Variants in SSU72 observed in about 807,000 individuals in gnomAD.
The protein encoded by SSU72 is RNA polymerase II subunit A C-terminal domain phosphatase SSU72.
Under a neutral mutation model 22.7 loss-of-function variants are expected in SSU72, and 12 were observed. The ratio of observed to expected loss-of-function variants is 0.53; its 90% CI spans 0.34 to 0.86. The LOEUF (loss-of-function observed/expected upper bound fraction) is 0.86, where lower values mean the gene tolerates loss of function less well. SSU72 is among the 40% of genes least tolerant of loss of function. SSU72 has a pLI of 0.02. For missense variants in SSU72, 151 were observed against 249.8 expected (o/e 0.60, Z 2.67); for synonymous variants, 116 against 98.3 (o/e 1.18, Z -1.06).
intron 1 of SSU72, among the ~76,000 whole-genome samples, chr1:1,573,429 C>CAAAAAAAAAAAAAA (rs56930035): frequency 2.8e-5 from 3 of 107,452 alleles, no homozygotes; most frequent in Non-Finnish European, 5.1e-5. Context: ...GACTCTGTCT[C>CAAAAAAAAAAAAAA]AAAAAAAAAA....
At chr1:1,545,147 C>T in intron 2 of SSU72, 145 bp from the exon 3 acceptor site, 3 of 928,722 alleles carry the variant, frequency 3.2e-6, no homozygotes, top group Non-Finnish European at 4.9e-6. Flanking sequence ...TGGGCCATGC[C>T]CTGGTGAGGC....
Position 1,542,384 on chromosome 1 carries a change from C to T in SSU72, c.484-217G>A, listed in dbSNP as rs1195437896. Among the ~76,000 whole-genome samples, 2 of 152,160 alleles carry T rather than the reference C, an allele frequency of 1.3e-5. No homozygotes were observed. The highest frequency in any genetic ancestry group is 4.8e-5 in the African/African-American group (2 of 41,434). On this transcript the variant is annotated intron_variant, in intron 4 of 4. Coordinates refer to ENST00000291386, the MANE Select transcript of SSU72 (RefSeq NM_014188.3). This position sits in a 1 kb window ranked among gnomAD's most constrained non-coding sequence, Gnocchi z 4.4. ...ACCTCCCCACCGACCCTCACAGGAC[C>T]TGAAGCTGGGAGGAGCTGGGAGGAG...
At chr1:1,571,114 G>A (rs1436017860) in intron 1 of SSU72, among the ~76,000 whole-genome samples, 1 of 152,120 alleles carries the variant, frequency 6.6e-6, no homozygotes, top group Non-Finnish European at 1.5e-5. Flanking sequence ...GCGTGGTAGC[G>A]GGTGCCTGTA....
At chr1:1,572,879 G>GT (rs1553133016) in intron 1 of SSU72, among the ~76,000 whole-genome samples, 2 of 61,026 alleles carry the variant, frequency 3.3e-5, no homozygotes, top group Non-Finnish European at 5.7e-5. Context: ...TTTTGTCTTG[G>GT]GGGGGGGGGG....
chr1:1,569,190 G>T (rs944847788), intron 1 of SSU72, among the ~76,000 whole-genome samples: 3 of 151,348 alleles, frequency 2.0e-5, no homozygotes, highest in African/African-American at 4.9e-5. Flanking sequence ...TAAAATAAAA[G>T]AAAAAAACAA....
intron 1 of SSU72, among the ~76,000 whole-genome samples, chr1:1,571,571 A>G (rs1642731852): frequency 6.6e-6 from 1 of 152,118 alleles, no homozygotes; most frequent in Non-Finnish European, 1.5e-5. Context: ...TTTATGAGTA[A>G]ATTTGAATGA....
intron 2 of SSU72, among the ~76,000 whole-genome samples, chr1:1,547,684 C>T (rs1278156745): frequency 2.6e-5 from 4 of 152,240 alleles, no homozygotes. Context: ...AGGACAGGAG[C>T]CGCTGGCGGG....
At position 1,574,643 on chromosome 1, in the gene SSU72, T is replaced by C; in HGVS notation, c.-86A>G. The C allele has an allele frequency of 2.3e-6, 3 of 1,324,800 alleles. No individual in the cohort carries two copies. The highest frequency in any genetic ancestry group is 2.2e-5 in the African/African-American group (1 of 46,088). The allele number at this position is 1,324,800 out of a possible 1,614,324, so 82.1% of individuals were successfully genotyped here. A position where few individuals can be genotyped will look rare whatever the true frequency, so the allele number is the denominator to read the frequency against. ...CGCGCGAACAAAATGGCGGCCGCGG[T>C]GGCCGGAAGCGGGCGACGCGAAACG... On this transcript the variant is annotated 5_prime_UTR_variant, in exon 1 of 5. Coordinates refer to ENST00000291386, the MANE Select transcript of SSU72 (RefSeq NM_014188.3).
intron 2 of SSU72, chr1:1,546,128 A>G (rs1181942703): frequency 1.3e-5 from 2 of 152,244 alleles, no homozygotes; most frequent in Non-Finnish European, 2.9e-5. Context: ...GTTCCCAAAG[A>G]TGAGCTCTGT....
chr1:1,572,367 G>C (rs1642741716), intron 1 of SSU72, among the ~76,000 whole-genome samples: 1 of 147,788 alleles, frequency 6.8e-6, no homozygotes, highest in Non-Finnish European at 1.5e-5. Flanking sequence ...GGCGGAGCTT[G>C]CAGTGAGCTG....
At chr1:1,570,845 C>T (rs1214670704) in intron 1 of SSU72, among the ~76,000 whole-genome samples, 1 of 152,166 alleles carries the variant, frequency 6.6e-6, no homozygotes, top group African/African-American at 2.4e-5. Flanking sequence ...GGCGTGGTGG[C>T]TCACGCCTGT....
At chr1:1,553,324 A>C (rs955677512) in intron 2 of SSU72, among the ~76,000 whole-genome samples, 1 of 152,112 alleles carries the variant, frequency 6.6e-6, no homozygotes, top group African/African-American at 2.4e-5. Context: ...CCAGTTATTT[A>C]GTTATTTAAA....
At chr1:1,569,423 G>C (rs746457180) in intron 1 of SSU72, among the ~76,000 whole-genome samples, 1 of 152,088 alleles carries the variant, frequency 6.6e-6, no homozygotes, top group African/African-American at 2.4e-5. Flanking sequence ...CTAACATGTC[G>C]ACACTTACTA....
At chr1:1,572,231 T>C (rs968183392) in intron 1 of SSU72, among the ~76,000 whole-genome samples, 4 of 143,538 alleles carry the variant, frequency 2.8e-5, no homozygotes, top group South Asian at 2.4e-4. Flanking sequence ...ATCGAGACCA[T>C]CCTGGCTAAC....
At chr1:1,568,466 T>C (rs1424961640) in intron 1 of SSU72, among the ~76,000 whole-genome samples, 1 of 151,002 alleles carries the variant, frequency 6.6e-6, no homozygotes, top group African/African-American at 2.4e-5. Flanking sequence ...AAGCCAGGCG[T>C]GGTGGTGCGC....
intron 4 of SSU72, among the ~76,000 whole-genome samples, chr1:1,543,016 T>C (rs1016651154): frequency 2.6e-5 from 4 of 152,254 alleles, no homozygotes; most frequent in Admixed American, 2.6e-4. Flanking sequence ...GAAGCTGTTC[T>C]GTTTTTCTGT....
At chr1:1,558,563 G>C (rs553717533) in intron 2 of SSU72, among the ~76,000 whole-genome samples, 232 of 152,304 alleles carry the variant, frequency 1.5e-3, no homozygotes, top group African/African-American at 5.2e-3. Context: ...TTAACATTTA[G>C]AGCTACACGT....
chr1:1,574,812 C>A lies in SSU72; in HGVS notation c.-255G>T, dbSNP rs754275545. 8.8e-6 allele frequency: 2 copies of A among 227,894 alleles called. No homozygotes were observed. Among genetic ancestry groups the A allele is most frequent in the Admixed American group, 1.2e-4 (2 of 16,066 alleles). 14.1% of individuals were successfully genotyped at this position (227,894 alleles called of 1,614,324 possible). A position where few individuals can be genotyped will look rare whatever the true frequency, so the allele number is the denominator to read the frequency against. On this transcript the variant is annotated 5_prime_UTR_variant, in exon 1 of 5. Transcript: ENST00000291386. ...GGGGGCGGCCAACGCCGCGCCGGCCCCCGGCGTCCGCAGCAGAGACCCGCA... is the reference window on the plus strand; with the variant it reads ...GGGGGCGGCCAACGCCGCGCCGGCCACCGGCGTCCGCAGCAGAGACCCGCA...
At chr1:1,565,683 G>A (rs532141610) in intron 1 of SSU72, among the ~76,000 whole-genome samples, 1 of 151,692 alleles carries the variant, frequency 6.6e-6, no homozygotes, top group African/African-American at 2.4e-5. Context: ...CAGGCTCAGG[G>A]TTGCTGCAGG....
Sources: allele counts gnomAD v4.1 joint callset (sites outside exome capture counted in the v4.1 genomes callset), GRCh38; gene constraint gnomAD v4.1.1; non-coding constraint Gnocchi (gnomAD v3.1); transcripts MANE v1.5; gene names NCBI Gene and HGNC (gene_info 2026-07-23, HGNC 2026-07-21).